Variants in PIK3C2G observed in about 807,000 individuals in gnomAD.
The protein encoded by PIK3C2G is phosphatidylinositol 3-kinase C2 domain-containing subunit gamma.
Under a neutral mutation model 181.1 loss-of-function variants are expected in PIK3C2G, and 168 were observed. That is an observed-to-expected ratio of 0.93 (90% CI 0.82 to 1.05). The LOEUF is 1.05. PIK3C2G is among the 50% of genes least tolerant of loss of function. The probability of loss-of-function intolerance (pLI) is 0.00; values close to 1 mark genes in which losing one functional copy is unlikely to be tolerated. For synonymous variants in PIK3C2G, 573 were observed against 592.2 expected, an observed-to-expected ratio of 0.97 and a Z score of 0.47; for missense variants, 1,869 against 1,732.8, an observed-to-expected ratio of 1.08 and a Z score of -1.40.
Position 18,647,978 on chromosome 12 carries a change from G to A in PIK3C2G, c.4411G>A (p.Val1471Ile). 1 of 1,598,410 alleles carries A rather than the reference G, an allele frequency of 6.3e-7. No homozygotes were observed. Residue 1471 changes from valine to isoleucine, a missense_variant, in exon 33 of 33, where the codon GTC becomes ATC. Val to Ile is a conservative substitution (Grantham distance 29). Transcript: ENST00000538779. ...AGCAATTAACATCCGACTCTGTAGTGTCCCACTCGATAAAGAAAAATGGTA... is the reference window on the plus strand; with the variant it reads ...AGCAATTAACATCCGACTCTGTAGTATCCCACTCGATAAAGAAAAATGGTA... ...VGAINIRLCS[V>I]PLDKEKWYPL...
At chr12:18,418,039 T>C (rs1039965534) in intron 16 of PIK3C2G, among the ~76,000 whole-genome samples, 1 of 152,220 alleles carries the variant, frequency 6.6e-6, no homozygotes, top group Admixed American at 6.5e-5. Context: ...ATTATCATCA[T>C]GATCAATGCA....
chr12:18,448,831 T>C (rs1947174095), intron 18 of PIK3C2G, among the ~76,000 whole-genome samples: 1 of 151,546 alleles, frequency 6.6e-6, no homozygotes, highest in Admixed American at 6.6e-5. Context: ...CATATATATA[T>C]AATTGTGGTG....
the PIK3C2G span, chr12:18,699,833 T>C: frequency 1.9e-6 from 3 of 1,613,528 alleles, no homozygotes; most frequent in Admixed American, 3.3e-5. Flanking sequence ...GTCTCCCCAA[T>C]AGAATTATTT....
At chr12:18,244,642 C>A (rs10840986), upstream of PIK3C2G, among the ~76,000 whole-genome samples, 53,150 of 149,906 alleles carry the variant, frequency 0.35, 9,622 homozygotes, top group Non-Finnish European at 0.4. Flanking sequence ...CAATTTCCAG[C>A]CATTATTTAA....
intron 18 of PIK3C2G, among the ~76,000 whole-genome samples, chr12:18,449,754 A>G (rs142077260): frequency 6.6e-6 from 1 of 152,182 alleles, no homozygotes; most frequent in Non-Finnish European, 1.5e-5. Context: ...ATAGTGCTGC[A>G]ATAAATATAC....
intron 6 of PIK3C2G, 86 bp downstream of exon 6, chr12:18,314,150 G>A: frequency 1.5e-6 from 1 of 649,468 alleles, no homozygotes. Flanking sequence ...TGCCAACTTG[G>A]AATTATATAG....
chr12:18,281,438 A>G (rs1056481245), intron 1 of PIK3C2G, among the ~76,000 whole-genome samples: 3 of 152,014 alleles, frequency 2.0e-5, no homozygotes, highest in African/African-American at 7.2e-5. Flanking sequence ...TGTCTTTTGA[A>G]TTTACTAACA....
At chr12:18,664,708 G>A in the PIK3C2G span, among the ~76,000 whole-genome samples, 6 of 151,536 alleles carry the variant, frequency 4.0e-5, no homozygotes, top group South Asian at 2.1e-4. Flanking sequence ...ACATGCACAC[G>A]TATGTTTATT....
chr12:18,390,738 A>G (rs1011322827), intron 14 of PIK3C2G, among the ~76,000 whole-genome samples: 2 of 152,102 alleles, frequency 1.3e-5, no homozygotes, highest in Non-Finnish European at 2.9e-5. Context: ...CATAATTACC[A>G]ATGTTAAATT....
Position 18,560,614 on chromosome 12 carries a change from G to C in PIK3C2G, c.3591-2089G>C, listed in dbSNP as rs1945296262. Among the ~76,000 whole-genome samples, 3 of 151,712 alleles carry C rather than the reference G, an allele frequency of 2.0e-5. No homozygotes were observed. In the South Asian group the frequency reaches 6.2e-4, roughly 32 times the overall value. On this transcript the variant is annotated intron_variant, in intron 26 of 32. Transcript: ENST00000538779. ...CAGAGAGGACTTTTAAAATAAAAAAGAAATAAAGGCACTGAAGATCCAATG... is the reference window on the plus strand; with the variant it reads ...CAGAGAGGACTTTTAAAATAAAAAACAAATAAAGGCACTGAAGATCCAATG...
upstream of PIK3C2G, among the ~76,000 whole-genome samples, chr12:18,261,087 G>C (rs1948220464): frequency 6.6e-6 from 1 of 151,908 alleles, no homozygotes; most frequent in Non-Finnish European, 1.5e-5. Context: ...ACCTCGATAG[G>C]TGAAACTCAC....
At chr12:18,508,625 G>A (rs1215108258) in intron 24 of PIK3C2G, among the ~76,000 whole-genome samples, 1 of 152,104 alleles carries the variant, frequency 6.6e-6, no homozygotes, top group Admixed American at 6.5e-5. Context: ...ATACTCAGAT[G>A]TATTAACCCA....
intron 18 of PIK3C2G, among the ~76,000 whole-genome samples, chr12:18,440,785 A>G (rs1946707551): frequency 6.6e-6 from 1 of 152,132 alleles, no homozygotes; most frequent in African/African-American, 2.4e-5. Context: ...CTTTAATCCA[A>G]ATGATTAGAG....
At chr12:18,483,970 T>G (rs1183922694) in intron 18 of PIK3C2G, among the ~76,000 whole-genome samples, 1 of 152,184 alleles carries the variant, frequency 6.6e-6, no homozygotes. Context: ...AACAGCCTCC[T>G]ACTGGGACAT....
intron 29 of PIK3C2G, among the ~76,000 whole-genome samples, chr12:18,569,542 T>G (rs1945818730): frequency 6.6e-6 from 1 of 152,198 alleles, no homozygotes. Context: ...ACATAGACTT[T>G]TGGAATGTTT....
chr12:18,570,561 G>A (rs1029000595), intron 29 of PIK3C2G, among the ~76,000 whole-genome samples: 1 of 150,182 alleles, frequency 6.7e-6, no homozygotes, highest in African/African-American at 2.5e-5. Context: ...TAGAGAACAA[G>A]AGAGAGAGGG....
intron 15 of PIK3C2G, among the ~76,000 whole-genome samples, chr12:18,395,890 G>C (rs1205186262): frequency 6.7e-6 from 1 of 149,128 alleles, no homozygotes; most frequent in Non-Finnish European, 1.5e-5. Flanking sequence ...AAAAACCAAG[G>C]AGAAGATAAA....
At chr12:18,324,044 C>A (rs1951222617) in intron 7 of PIK3C2G, among the ~76,000 whole-genome samples, 1 of 151,808 alleles carries the variant, frequency 6.6e-6, no homozygotes, top group Non-Finnish European at 1.5e-5. Flanking sequence ...CACGGTGAAA[C>A]CCCGTCTCTA....
intron 28 of PIK3C2G, among the ~76,000 whole-genome samples, chr12:18,563,822 T>C (rs1015012626): frequency 5.9e-5 from 9 of 151,992 alleles, no homozygotes; most frequent in Non-Finnish European, 1.0e-4. Context: ...TTAGTTATTT[T>C]TTATAAAAAT....
Sources: allele counts gnomAD v4.1 joint callset (sites outside exome capture counted in the v4.1 genomes callset), GRCh38; gene constraint gnomAD v4.1.1; transcripts MANE v1.5; gene names NCBI Gene and HGNC (gene_info 2026-07-23, HGNC 2026-07-21).